Variants in RPS6KA2 observed in about 807,000 individuals in gnomAD.
RPS6KA2 encodes ribosomal protein S6 kinase A2, also known as ribosomal protein S6 kinase alpha-2.
A neutral mutation model predicts 91.8 loss-of-function variants in RPS6KA2; 42 were observed. The observed-to-expected ratio is 0.46, with a 90% CI of 0.36 to 0.59. The LOEUF is 0.59. Among genes scored for constraint, RPS6KA2 ranks in the 20% least tolerant of loss-of-function variants. RPS6KA2 has a pLI of 0.00. For missense variants in RPS6KA2, 798 were observed against 978.5 expected (o/e 0.82, Z 2.46); for synonymous variants, 414 against 393.6 (o/e 1.05, Z -0.61).
At chr6:166,498,374 G>T in intron 8 of RPS6KA2, 134 bp downstream of exon 8, 1 of 1,021,716 alleles carries the variant, frequency 9.8e-7, no homozygotes, top group Non-Finnish European at 1.4e-6. Context: ...TGCTTGGCCT[G>T]GACACTTGCC....
intron 2 of RPS6KA2, among the ~76,000 whole-genome samples, chr6:166,782,578 T>A (rs1404339263): frequency 2.6e-5 from 4 of 152,096 alleles, no homozygotes; most frequent in Non-Finnish European, 5.9e-5. Flanking sequence ...CGTGACTCGA[T>A]CCCGAGGCCC....
chr6:166,507,615 A>C (rs1218697458), intron 5 of RPS6KA2, among the ~76,000 whole-genome samples: 2 of 149,890 alleles, frequency 1.3e-5, no homozygotes, highest in African/African-American at 4.9e-5. Flanking sequence ...CACAAAGCAC[A>C]CCACACACCC....
At chr6:166,830,106 C>T (rs1242595095) in intron 2 of RPS6KA2, among the ~76,000 whole-genome samples, 8 of 84,236 alleles carry the variant, frequency 9.5e-5, no homozygotes, top group Non-Finnish European at 1.7e-4. Context: ...GCCTGGGCAA[C>T]AAAAGCAAAA....
chr6:166,674,448 GGTCT>G (rs1788563576), intron 2 of RPS6KA2, among the ~76,000 whole-genome samples: 1 of 152,080 alleles, frequency 6.6e-6, no homozygotes, highest in South Asian at 2.1e-4. Context: ...GCTCAGGGGT[GGTCT>G]GTCTGAGCAA....
intron 14 of RPS6KA2, among the ~76,000 whole-genome samples, chr6:166,441,970 G>A (rs879540324): frequency 7.9e-5 from 12 of 152,200 alleles, no homozygotes; most frequent in East Asian, 1.9e-4. Context: ...GAAGCGGTCC[G>A]GCTGCCGCTC....
intron 2 of RPS6KA2, among the ~76,000 whole-genome samples, chr6:166,658,995 A>G (rs571915485): frequency 1.5e-3 from 236 of 152,288 alleles, no homozygotes; most frequent in Non-Finnish European, 2.9e-3. Flanking sequence ...AGGCTTCCCC[A>G]GAATCATACA....
At chr6:166,510,779 A>C (rs1782454820) in intron 3 of RPS6KA2, among the ~76,000 whole-genome samples, 1 of 151,334 alleles carries the variant, frequency 6.6e-6, no homozygotes, top group South Asian at 2.1e-4. Context: ...TCCAATCTAT[A>C]TTCAGTCCTC....
At chr6:166,773,550 C>T (rs1405228232) in intron 2 of RPS6KA2, among the ~76,000 whole-genome samples, 2 of 152,096 alleles carry the variant, frequency 1.3e-5, no homozygotes, top group South Asian at 2.1e-4. Flanking sequence ...TACAGGCGCC[C>T]ACCACCACAC....
intron 2 of RPS6KA2, among the ~76,000 whole-genome samples, chr6:166,656,420 C>T (rs961533261): frequency 2.0e-5 from 3 of 152,154 alleles, no homozygotes; most frequent in African/African-American, 7.2e-5. Flanking sequence ...GGGTGGAACT[C>T]GGTTCACCCC....
chr6:166,607,693 G>A (rs1562338146), intron 1 of RPS6KA2, among the ~76,000 whole-genome samples: 4 of 152,192 alleles, frequency 2.6e-5, no homozygotes. Flanking sequence ...GCACAACCTT[G>A]TGAATACACT....
At chr6:166,518,304 TATCTG>T (rs1174751303) in intron 3 of RPS6KA2, among the ~76,000 whole-genome samples, 1 of 150,552 alleles carries the variant, frequency 6.6e-6, no homozygotes, top group African/African-American at 2.5e-5. Flanking sequence ...GTTGAACACT[TATCTG>T]GTGTCTGGAA....
At chr6:166,677,027 G>C (rs1298823319) in intron 2 of RPS6KA2, among the ~76,000 whole-genome samples, 1 of 152,148 alleles carries the variant, frequency 6.6e-6, no homozygotes. Context: ...TAGTTAACTT[G>C]GAGAAATCTT....
chr6:166,731,995 T>C (rs1490188020), intron 2 of RPS6KA2, among the ~76,000 whole-genome samples: 1 of 152,152 alleles, frequency 6.6e-6, no homozygotes, highest in African/African-American at 2.4e-5. Flanking sequence ...CAAAAGTAGA[T>C]GGAAAGGCCT....
At chr6:166,503,215 G>C (rs187882690) in intron 6 of RPS6KA2, among the ~76,000 whole-genome samples, 176 of 152,344 alleles carry the variant, frequency 1.2e-3, no homozygotes, top group African/African-American at 3.8e-3. Context: ...TGCTCCAGCT[G>C]TATTTACACA....
rs1440949790 is a variant in RPS6KA2, at chr6:166,737,968, T to G, written c.123+120232A>C. 6.6e-6 allele frequency among the ~76,000 whole-genome samples: 1 copy of G among 152,240 alleles called. No homozygotes were observed. The highest frequency in any genetic ancestry group is 1.5e-5 in the Non-Finnish European group (1 of 68,032). On this transcript the variant is annotated intron_variant, in intron 2 of 21. Coordinates refer to the RPS6KA2 transcript ENST00000503859. This position sits in a 1 kb window ranked among gnomAD's most constrained non-coding sequence, Gnocchi z 4.3. ...TCATGCCATCGCTCAGAGAGAATCC[T>G]TTTAATATTGTTTACATCCTCCTAG...
intron 3 of RPS6KA2, among the ~76,000 whole-genome samples, chr6:166,514,517 G>A (rs570863634): frequency 9.8e-5 from 15 of 152,320 alleles, no homozygotes; most frequent in African/African-American, 3.4e-4. Flanking sequence ...GGTGGCAGCT[G>A]GGGTACCCTC....
chr6:166,712,323 G>C (rs1477418683), intron 2 of RPS6KA2, among the ~76,000 whole-genome samples: 1 of 152,228 alleles, frequency 6.6e-6, no homozygotes, highest in Non-Finnish European at 1.5e-5. Context: ...CAAATGCTCA[G>C]CGTCAGGGCA....
At chr6:166,487,215 G>A (rs759524348) in intron 10 of RPS6KA2, among the ~76,000 whole-genome samples, 3 of 152,192 alleles carry the variant, frequency 2.0e-5, no homozygotes, top group Non-Finnish European at 2.9e-5. Context: ...CTGAAATGTT[G>A]CAGGGATTTA....
rs1385692667 is a variant in RPS6KA2, at chr6:166,627,121, G to T, written c.-102C>A. 2 of 1,171,454 alleles carry T rather than the reference G, an allele frequency of 1.7e-6. No individual in the cohort carries two copies. The highest frequency in any genetic ancestry group is 3.9e-5 in the East Asian group (1 of 25,788). The allele number at this position is 1,171,454 out of a possible 1,614,324, so 72.6% of individuals were successfully genotyped here. ...CCGCGGGCGGGCACGCGTGGCCAGG[G>T]AGCCCGGCACGGCGGCCATGGGCGC... On this transcript the variant is annotated 5_prime_UTR_variant, in exon 1 of 21. Transcript: ENST00000265678.
Sources: allele counts gnomAD v4.1 joint callset (sites outside exome capture counted in the v4.1 genomes callset), GRCh38; gene constraint gnomAD v4.1.1; non-coding constraint Gnocchi (gnomAD v3.1); transcripts MANE v1.5; gene names NCBI Gene and HGNC (gene_info 2026-07-23, HGNC 2026-07-21).